The following CCSER2 variants were observed in gnomAD, a reference collection of about 807,000 sequenced individuals.
CCSER2 encodes coiled-coil serine rich protein 2.
Under a neutral mutation model 92.3 loss-of-function variants are expected in CCSER2, and 46 were observed. That is an observed-to-expected ratio of 0.50 (90% CI 0.39 to 0.64). CCSER2 has a LOEUF of 0.64. CCSER2 is among the 30% of genes least tolerant of loss of function. The pLI is 0.00. For synonymous variants in CCSER2, 433 were observed against 431.4 expected, an observed-to-expected ratio of 1.00 and a Z score of -0.04; for missense variants, 1,244 against 1,238.9, an observed-to-expected ratio of 1.00 and a Z score of -0.06.
At chr10:84,476,827 A>G (rs1777220038) in intron 8 of CCSER2, among the ~76,000 whole-genome samples, 1 of 152,112 alleles carries the variant, frequency 6.6e-6, no homozygotes, top group African/African-American at 2.4e-5. Context: ...TATATAAATG[A>G]GTGTGCTTTG....
At chr10:84,475,638 C>T (rs984246655) in intron 8 of CCSER2, among the ~76,000 whole-genome samples, 1 of 152,058 alleles carries the variant, frequency 6.6e-6, no homozygotes, top group Non-Finnish European at 1.5e-5. Flanking sequence ...TGAGTTTATC[C>T]AGGTGTGACC....
At chr10:84,382,648 A>G (rs1401263062) in intron 3 of CCSER2, among the ~76,000 whole-genome samples, 2 of 152,180 alleles carry the variant, frequency 1.3e-5, no homozygotes, top group African/African-American at 4.8e-5. Flanking sequence ...TAACACTGAA[A>G]TATTTAGGAG....
intron 3 of CCSER2, among the ~76,000 whole-genome samples, chr10:84,410,061 C>A (rs763779949): frequency 2.6e-5 from 4 of 152,156 alleles, no homozygotes; most frequent in African/African-American, 9.7e-5. Flanking sequence ...TGTCTTCCAA[C>A]TCTAATGATG....
Position 84,372,087 on chromosome 10 carries a change from C to T in CCSER2, c.1035C>T (p.Asp345=). The T allele has an allele frequency of 6.2e-7, 1 of 1,613,708 alleles. No homozygotes were observed. Among genetic ancestry groups the T allele is most frequent in the Non-Finnish European group, 8.5e-7 (1 of 1,179,790 alleles). ...ATGGAAATAAAAATTCACCTGCTGA[C>T]ACATGTGTAGAGGAAGATGCTACAG... ...TVDGNKNSPA[D]TCVEEDATVL... The change falls in exon 2 of 10, where the codon GAC becomes GAT. Residue 345 remains aspartate (D), a synonymous_variant. Transcript: ENST00000372088.
chr10:84,443,172 C>A (rs1270942047), intron 6 of CCSER2, among the ~76,000 whole-genome samples: 1 of 152,186 alleles, frequency 6.6e-6, no homozygotes, highest in Non-Finnish European at 1.5e-5. Flanking sequence ...TAAAGAACTT[C>A]TGCACAGCAA....
intron 7 of CCSER2, among the ~76,000 whole-genome samples, chr10:84,468,007 G>T (rs1429210402): frequency 4.6e-5 from 7 of 152,136 alleles, no homozygotes; most frequent in Non-Finnish European, 1.0e-4. Flanking sequence ...CATCTCAAAT[G>T]CAAATCTGTC....
intron 9 of CCSER2, among the ~76,000 whole-genome samples, chr10:84,492,280 C>CAA (rs1293709141): frequency 2.1e-5 from 2 of 93,984 alleles, no homozygotes; most frequent in Non-Finnish European, 4.5e-5. Context: ...ACTCTGTCTC[C>CAA]AAAAAAAAAA....
chr10:84,456,060 G>T (rs570959591), intron 6 of CCSER2: 3 of 430,428 alleles, frequency 7.0e-6, no homozygotes, highest in African/African-American at 2.1e-5. Flanking sequence ...AGCCTAGATC[G>T]GGCTGGGTCA....
intron 1 of CCSER2, among the ~76,000 whole-genome samples, chr10:84,344,356 GT>G (rs1054706460): frequency 3.0e-4 from 44 of 146,178 alleles, no homozygotes; most frequent in East Asian, 8.0e-4. Flanking sequence ...AGTATTAAAG[GT>G]TTTTTTTTTG....
At chr10:84,404,194 C>G (rs2133329048) in intron 3 of CCSER2, among the ~76,000 whole-genome samples, 1 of 152,182 alleles carries the variant, frequency 6.6e-6, no homozygotes, top group African/African-American at 2.4e-5. Flanking sequence ...CTGAAATCCA[C>G]AGGATACACA....
At chr10:84,360,353 A>G (rs1293660201) in intron 1 of CCSER2, among the ~76,000 whole-genome samples, 1 of 152,124 alleles carries the variant, frequency 6.6e-6, no homozygotes, top group East Asian at 1.9e-4. Flanking sequence ...TATAAAGAAG[A>G]TTTTCCATCA....
In CCSER2 at chr10:84,513,989, T is replaced by C. The variant is rs765152791; in HGVS notation, c.2866T>C (p.Cys956Arg). 11 of 1,536,554 alleles carry C rather than the reference T, an allele frequency of 7.2e-6. No homozygotes were observed. The African/African-American group carries it at 1.5e-4, about 21-fold the overall frequency. The stretch of plus-strand genomic sequence containing the variant: ...TAAAAAGTCACCAATAATCACAACA[T>C]GTAATTCAGCAAAACTTCAGCCAAC... The part of the protein sequence containing the change: ...TCKKSPIITT[C>R]NSAKLQPTSS... The change falls in exon 10 of 10, where the codon TGT (cysteine) becomes CGT (arginine). Residue 956 changes from cysteine (C) to arginine (R), a missense_variant. By Grantham distance (180) the Cys-to-Arg change is radical. Coordinates refer to ENST00000372088, the MANE Select transcript of CCSER2 (RefSeq NM_001284240.2).
At chr10:84,354,745 C>G (rs1457301589) in intron 1 of CCSER2, among the ~76,000 whole-genome samples, 1 of 151,750 alleles carries the variant, frequency 6.6e-6, no homozygotes, top group East Asian at 2.0e-4. Flanking sequence ...ACTCCTTTGA[C>G]CGGTAAACAC....
intron 3 of CCSER2, among the ~76,000 whole-genome samples, chr10:84,411,760 A>T (rs1842661417): frequency 6.6e-6 from 1 of 152,200 alleles, no homozygotes; most frequent in Non-Finnish European, 1.5e-5. Flanking sequence ...GCAAACAAAG[A>T]TAATTTGACT....
intron 9 of CCSER2, among the ~76,000 whole-genome samples, chr10:84,481,157 C>T (rs916350186): frequency 2.0e-5 from 3 of 151,982 alleles, no homozygotes; most frequent in Non-Finnish European, 4.4e-5. Flanking sequence ...CCTCCACAAA[C>T]GAGGAAATAC....
intron 1 of CCSER2, among the ~76,000 whole-genome samples, chr10:84,360,890 T>A (rs1158885301): frequency 6.6e-6 from 1 of 152,224 alleles, no homozygotes; most frequent in African/African-American, 2.4e-5. Flanking sequence ...ATTACTTTAA[T>A]CAGTTCTTGA....
At chr10:84,430,099 C>T (rs889315885) in intron 5 of CCSER2, among the ~76,000 whole-genome samples, 1 of 152,046 alleles carries the variant, frequency 6.6e-6, no homozygotes, top group Non-Finnish European at 1.5e-5. Context: ...AGTCTCCCAG[C>T]CTCCACCAGG....
intron 1 of CCSER2, among the ~76,000 whole-genome samples, chr10:84,337,594 A>C (rs529815107): frequency 6.6e-6 from 1 of 152,356 alleles, no homozygotes; most frequent in South Asian, 2.1e-4. Flanking sequence ...GCTAAATAAC[A>C]GGGTGGTAGC....
At chr10:84,487,806 C>T (rs774344545) in intron 9 of CCSER2, among the ~76,000 whole-genome samples, 36 of 152,172 alleles carry the variant, frequency 2.4e-4, no homozygotes, top group Admixed American at 6.5e-5. Context: ...AAAGGGCATC[C>T]CTGTCTTGTG....
Sources: allele counts gnomAD v4.1 joint callset (sites outside exome capture counted in the v4.1 genomes callset), GRCh38; gene constraint gnomAD v4.1.1; transcripts MANE v1.5; gene names NCBI Gene and HGNC (gene_info 2026-07-23, HGNC 2026-07-21).